The following CLVS1 variants were observed in gnomAD, a reference collection of about 807,000 sequenced individuals.
CLVS1 encodes clavesin-1.
CLVS1 carries 10 observed loss-of-function variants against 33.1 expected under a neutral mutation model. The ratio of observed to expected loss-of-function variants is 0.30; its 90% CI spans 0.19 to 0.51. CLVS1 has a LOEUF of 0.51. Among genes scored for constraint, CLVS1 ranks in the 20% least tolerant of loss-of-function variants. CLVS1 has a pLI of 0.97. For missense variants in CLVS1, 343 were observed against 433.4 expected, an observed-to-expected ratio of 0.79 and a Z score of 1.85; for synonymous variants, 163 against 166.1, an observed-to-expected ratio of 0.98 and a Z score of 0.14.
At chr8:61,355,194 T>C (rs1812641721) in intron 2 of CLVS1, among the ~76,000 whole-genome samples, 1 of 152,142 alleles carries the variant, frequency 6.6e-6, no homozygotes, top group Admixed American at 6.6e-5. Flanking sequence ...TTCAACTCTA[T>C]TGGCACATCA....
chr8:61,152,848 T>C (rs1246671037), intron 2 of CLVS1, among the ~76,000 whole-genome samples: 1 of 152,206 alleles, frequency 6.6e-6, no homozygotes, highest in Non-Finnish European at 1.5e-5. Context: ...GTCACATGCA[T>C]AGCACTACAG....
intron 2 of CLVS1, among the ~76,000 whole-genome samples, chr8:61,345,967 T>A (rs1258272199): frequency 6.6e-6 from 1 of 152,118 alleles, no homozygotes; most frequent in African/African-American, 2.4e-5. Flanking sequence ...CAAACCTATA[T>A]GTGATTTTTA....
intron 2 of CLVS1, among the ~76,000 whole-genome samples, chr8:61,176,641 T>A (rs1807117366): frequency 6.6e-6 from 1 of 152,080 alleles, no homozygotes; most frequent in African/African-American, 2.4e-5. Flanking sequence ...GTATCCAGGT[T>A]CTGTCTCAGG....
intron 2 of CLVS1, among the ~76,000 whole-genome samples, chr8:61,140,118 G>A (rs1003686858): frequency 2.0e-5 from 3 of 152,234 alleles, no homozygotes; most frequent in African/African-American, 4.8e-5. Flanking sequence ...CGAGCTGGGA[G>A]GGCTGGGTTA....
chr8:61,058,100 C>T (rs4737573), intron 1 of CLVS1, among the ~76,000 whole-genome samples: 44,487 of 152,128 alleles, frequency 0.29, 6,868 homozygotes, highest in East Asian at 0.58. Flanking sequence ...ATGACCAAAG[C>T]GTCGACCTAG....
chr8:61,232,025 T>TTGTTTGTTTGTTTG (rs969751955), intron 2 of CLVS1, among the ~76,000 whole-genome samples: 31 of 105,662 alleles, frequency 2.9e-4, no homozygotes, highest in African/African-American at 9.0e-4. Flanking sequence ...AAGTTGTGGT[T>TTGTTTGTTTGTTTG]TTTTTTTTTT....
chr8:61,312,667 T>C (rs924832587), intron 2 of CLVS1, among the ~76,000 whole-genome samples: 1 of 152,228 alleles, frequency 6.6e-6, no homozygotes, highest in African/African-American at 2.4e-5. Context: ...CTCCCAGGCA[T>C]TGAGCACCTC....
intron 2 of CLVS1, among the ~76,000 whole-genome samples, chr8:61,305,007 G>C (rs1186717690): frequency 6.6e-6 from 1 of 152,000 alleles, no homozygotes; most frequent in African/African-American, 2.4e-5. Flanking sequence ...TTCCAATCCT[G>C]GCTCCTCCTA....
intron 2 of CLVS1, among the ~76,000 whole-genome samples, chr8:61,259,867 A>T (rs1273515733): frequency 6.6e-6 from 1 of 152,154 alleles, no homozygotes; most frequent in Non-Finnish European, 1.5e-5. Flanking sequence ...TGCAGAGGGT[A>T]CTCAGGCCCC....
At chr8:61,319,360 T>C (rs1252370994) in intron 2 of CLVS1, among the ~76,000 whole-genome samples, 2 of 152,164 alleles carry the variant, frequency 1.3e-5, no homozygotes, top group Non-Finnish European at 2.9e-5. Flanking sequence ...AAGGATTAAT[T>C]TTTGGTTTTG....
chr8:61,124,445 TAGAAAC>T (rs1189916770), intron 1 of CLVS1, among the ~76,000 whole-genome samples: 9 of 152,378 alleles, frequency 5.9e-5, no homozygotes, highest in African/African-American at 1.9e-4. Context: ...CGTCATTTCT[TAGAAAC>T]AGAGCACGCT....
At chr8:61,354,492 T>C (rs1174045558) in intron 2 of CLVS1, among the ~76,000 whole-genome samples, 1 of 152,032 alleles carries the variant, frequency 6.6e-6, no homozygotes, top group Non-Finnish European at 1.5e-5. Flanking sequence ...TTATCTCAGA[T>C]AAATAAAAAC....
chr8:61,026,170 G>A, the CLVS1 span, among the ~76,000 whole-genome samples: 1 of 152,108 alleles, frequency 6.6e-6, no homozygotes, highest in Non-Finnish European at 1.5e-5. Flanking sequence ...TATCCAATAT[G>A]GTGAGTGTTC....
chr8:61,032,146 C>A, the CLVS1 span, among the ~76,000 whole-genome samples: 1 of 152,184 alleles, frequency 6.6e-6, no homozygotes, highest in Non-Finnish European at 1.5e-5. Context: ...AGTGTAGCAG[C>A]ACCAACGATA....
chr8:61,351,070 T>C (rs1272285693), intron 2 of CLVS1, among the ~76,000 whole-genome samples: 1 of 152,098 alleles, frequency 6.6e-6, no homozygotes, highest in Non-Finnish European at 1.5e-5. Flanking sequence ...GTCCCTTCTC[T>C]CCACTTGCTC....
In CLVS1 at chr8:61,338,330, T is replaced by C. The variant is rs191772955; in HGVS notation, c.455+38048T>C. Among the ~76,000 whole-genome samples, 44 of 152,332 alleles carry C rather than the reference T, an allele frequency of 2.9e-4. 1 individual carries two copies. The highest frequency in any genetic ancestry group is 2.5e-3 in the Admixed American group (38 of 15,300). The stretch of plus-strand genomic sequence containing the variant: ...CACGCATTTACCATTTCAGATATTG[T>C]AATAGGCACTTTTAAATTGACCAGT... On this transcript the variant is annotated intron_variant, in intron 2 of 5. Transcript: ENST00000325897.
Position 61,111,649 on chromosome 8 carries a change from C to T in CLVS1, c.-242-20121C>T, listed in dbSNP as rs941524882. Among the ~76,000 whole-genome samples the T allele has an allele frequency of 6.6e-5, 10 of 152,076 alleles. No homozygotes were observed. In the South Asian group the frequency reaches 2.1e-3, roughly 32 times the overall value. ...GTTTAAATGTGGGCCTCTTTCTGGT[C>T]TTCTGTTCTGTAAATCTTTCTGCCT... is the stretch of plus-strand genomic sequence containing the variant. On this transcript the variant is annotated intron_variant, in intron 1 of 2. Transcript: ENST00000522621.
chr8:61,156,333 T>A (rs182513303), intron 2 of CLVS1, among the ~76,000 whole-genome samples: 2 of 151,144 alleles, frequency 1.3e-5, no homozygotes, highest in African/African-American at 4.8e-5. Flanking sequence ...CTCAGGATAA[T>A]ATAAAAACCT....
In CLVS1 at chr8:61,124,630, G is replaced by A. The variant is rs1359771696; in HGVS notation, c.-242-7140G>A. On this transcript the variant is annotated intron_variant, in intron 1 of 2. Transcript: ENST00000522621. ...CCCAGACTTTGGTACTTACTGGCTT[G>A]TAACCTTGCAGAAGTCACTTATGGC... is the stretch of plus-strand genomic sequence containing the variant. Among the ~76,000 whole-genome samples the A allele has an allele frequency of 3.9e-5, 6 of 152,278 alleles. No homozygotes were observed. In the East Asian group the frequency reaches 7.7e-4, roughly 20 times the overall value.
Sources: allele counts gnomAD v4.1 joint callset (sites outside exome capture counted in the v4.1 genomes callset), GRCh38; gene constraint gnomAD v4.1.1; transcripts MANE v1.5; gene names NCBI Gene and HGNC (gene_info 2026-07-23, HGNC 2026-07-21).